SSBP4: variants seen among roughly 807,000 people sequenced by gnomAD.
SSBP4 encodes the protein single-stranded DNA-binding protein 4.
SSBP4 carries 33 observed loss-of-function variants against 64.6 expected under a neutral mutation model. That is an observed-to-expected ratio of 0.51 (90% confidence interval 0.39 to 0.68). The LOEUF is 0.68. SSBP4 is among the 30% of genes least tolerant of loss of function. The pLI is 0.00. For synonymous variants in SSBP4, 243 were observed against 224.0 expected, an observed-to-expected ratio of 1.08 and a Z score of -0.76; for missense variants, 583 against 566.8, an observed-to-expected ratio of 1.03 and a Z score of -0.29.
rs756027638 is a variant in SSBP4 at position 18,432,728 on chromosome 19, G to C, written c.779G>C (p.Ser260Thr). Residue 260 changes from serine (S) to threonine (T), a missense_variant, in exon 12 of 18, where the codon AGC becomes ACC. By Grantham distance (58) the Ser-to-Thr change is moderately conservative (BLOSUM62 1). Coordinates refer to ENST00000270061, the MANE Select transcript of SSBP4 (RefSeq NM_032627.5). ...CCCTACTCCTCCTCATCCCCCGGCAGCTACACCGTAAGTCTGAGCAAAGCT... is the reference window on the plus strand; with the variant it reads ...CCCTACTCCTCCTCATCCCCCGGCACCTACACCGTAAGTCTGAGCAAAGCT... ...SIPYSSSSPG[S>T]YTGPPGGGGP... The C allele has an allele frequency of 1.9e-6, 3 of 1,592,712 alleles. No individual in the cohort carries two copies. In the South Asian group the frequency reaches 3.4e-5, roughly 18 times the overall value.
intron 9 of SSBP4, 24 bp downstream of exon 9, chr19:18,432,094 G>A: frequency 1.2e-6 from 2 of 1,601,102 alleles, no homozygotes; most frequent in East Asian, 2.2e-5. Flanking sequence ...CCTGGTGGGT[G>A]GGGCCTTCGG....
chr19:18,410,671 G>A, the SSBP4 span, among the ~76,000 whole-genome samples: 1 of 151,964 alleles, frequency 6.6e-6, no homozygotes, highest in Non-Finnish European at 1.5e-5. Flanking sequence ...AAGAGAGGCA[G>A]ACTAGATTCC....
chr19:18,428,899 G>A (rs892552919), intron 4 of SSBP4, among the ~76,000 whole-genome samples: 1 of 152,202 alleles, frequency 6.6e-6, no homozygotes, highest in Admixed American at 6.5e-5. Context: ...TGGGGCCCCG[G>A]GGGTGTCTGG....
chr19:18,414,869 G>T (rs1972119081), upstream of SSBP4, among the ~76,000 whole-genome samples: 1 of 152,176 alleles, frequency 6.6e-6, no homozygotes, highest in Non-Finnish European at 1.5e-5. Context: ...CACACAGTGA[G>T]CCAGGGCACA....
Position 18,426,944 on chromosome 19 carries a change from C to T in SSBP4, c.60-407C>T, listed in dbSNP as rs994028027. 3.9e-5 allele frequency among the ~76,000 whole-genome samples: 6 copies of T among 152,096 alleles called. No individual in the cohort carries two copies. The highest frequency in any genetic ancestry group is 8.8e-5 in the Non-Finnish European group (6 of 67,992). ...TGGAGGACCCCTTCCCTCCTTCCTT[C>T]CTGGGCCGGGGAGGCTGGGGATGAG... On this transcript the variant is annotated intron_variant, in intron 1 of 17. Coordinates refer to ENST00000270061, the MANE Select transcript of SSBP4 (RefSeq NM_032627.5). This position sits in a 1 kb window ranked among gnomAD's most constrained non-coding sequence, Gnocchi z 4.5.
At chr19:18,431,460 C>T (rs770630427) in intron 6 of SSBP4, 42 bp downstream of exon 6, 3 of 1,152,212 alleles carry the variant, frequency 2.6e-6, no homozygotes, top group Non-Finnish European at 1.2e-6. Context: ...CACACATCCC[C>T]TCCCCCAGCG....
intron 5 of SSBP4, 69 bp from the exon 6 acceptor site, chr19:18,431,284 C>A: frequency 1.6e-6 from 1 of 610,942 alleles, no homozygotes. Flanking sequence ...CTCCATGGAG[C>A]CCCTCCCCTC....
chr19:18,428,042 CT>C, intron 4 of SSBP4, 60 bp downstream of exon 4: 4 of 677,232 alleles, frequency 5.9e-6, no homozygotes, highest in South Asian at 1.5e-5. Flanking sequence ...GGGCCTGTGG[CT>C]GGGGAGGTGG....
At chr19:18,416,344 G>A (rs1972130388), upstream of SSBP4, among the ~76,000 whole-genome samples, 2 of 152,092 alleles carry the variant, frequency 1.3e-5, no homozygotes, top group Admixed American at 1.3e-4. Flanking sequence ...AAGAGTCTTG[G>A]TCTGTCGTCC....
At chr19:18,412,322 G>A in the SSBP4 span, among the ~76,000 whole-genome samples, 50 of 151,596 alleles carry the variant, frequency 3.3e-4, no homozygotes, top group African/African-American at 1.0e-3. Flanking sequence ...TTAGCCGGGC[G>A]TGGTGGCAGG....
intron 8 of SSBP4, 32 bp downstream of exon 8, chr19:18,431,894 CATCA>C: frequency 2.6e-6 from 4 of 1,564,974 alleles, no homozygotes; most frequent in Non-Finnish European, 3.5e-6. Flanking sequence ...CCTATCCCGC[CATCA>C]ATCAGAATTC....
the SSBP4 span, among the ~76,000 whole-genome samples, chr19:18,406,750 C>A: frequency 4.6e-5 from 7 of 152,084 alleles, no homozygotes; most frequent in African/African-American, 1.7e-4. Flanking sequence ...GAGCCAAGCA[C>A]CAGAGACCCT....
In SSBP4 at chr19:18,434,364, C is replaced by A; in HGVS notation, c.*118C>A. The A allele has an allele frequency of 6.7e-7, 1 of 1,490,448 alleles. No homozygotes were observed. The highest frequency in any genetic ancestry group is 8.9e-7 in the Non-Finnish European group (1 of 1,123,106). 92.3% of individuals were successfully genotyped at this position (1,490,448 alleles called of 1,614,324 possible). A position where few individuals can be genotyped will look rare whatever the true frequency, so the allele number is the denominator to read the frequency against. On this transcript the variant is annotated 3_prime_UTR_variant, in exon 18 of 18. Transcript: ENST00000270061. The stretch of plus-strand genomic sequence containing the variant: ...GGACTCCTGGCCAATCAAGGCTTGC[C>A]CAGCTGGGAGGCCCCACACGAAAGA...
In SSBP4 at chr19:18,431,854, G is replaced by C. The variant is rs929500220; in HGVS notation, c.557G>C (p.Arg186Pro). ...LLPGAMEPSPRAQGHPSMGGP... is the reference protein window; with the variant it reads ...LLPGAMEPSPPAQGHPSMGGP... ...CCTGGCGCCATGGAGCCCTCCCCAC[G>C]AGCCCAGGGTGAGTAGGGAAGCTCC... is the stretch of plus-strand genomic sequence containing the variant. The change falls in exon 8 of 18, where the codon CGA becomes CCA. Residue 186 changes from arginine to proline, a missense_variant. Arg to Pro is a moderately radical substitution (Grantham distance 103). Around this residue, in one of 5 missense-constraint regions of SSBP4, gnomAD observed 444 missense variants for 386.6 expected, o/e 1.15. Coordinates refer to ENST00000270061, the MANE Select transcript of SSBP4 (RefSeq NM_032627.5). 7 of 1,571,862 alleles carry C rather than the reference G, an allele frequency of 4.5e-6. No homozygotes were observed. The highest frequency in any genetic ancestry group is 6.0e-6 in the Non-Finnish European group (7 of 1,157,504).
chr19:18,415,423 C>G (rs757331937), upstream of SSBP4, among the ~76,000 whole-genome samples: 2 of 152,338 alleles, frequency 1.3e-5, no homozygotes, highest in East Asian at 3.9e-4. Flanking sequence ...TGGGCCCCCC[C>G]ACTGCTGTGT....
rs888000692 is a variant in SSBP4 at position 18,426,906 on chromosome 19, A to G, written c.60-445A>G. On this transcript the variant is annotated intron_variant, in intron 1 of 17. Transcript: ENST00000270061. The surrounding 1 kb of genome is among the most constrained non-coding windows in gnomAD (Gnocchi z 4.5). ...GGAAGAGATGGGGTCCAGGGACTGC[A>G]GGGGATGTGGGGTGGAGGACCCCTT... Among the ~76,000 whole-genome samples, 1 of 152,114 alleles carries G rather than the reference A, an allele frequency of 6.6e-6. No individual in the cohort carries two copies. The highest frequency in any genetic ancestry group is 6.5e-5 in the Admixed American group (1 of 15,280).
At position 18,431,680 on chromosome 19, in the gene SSBP4, C is replaced by G. The variant is rs778835993; in HGVS notation, c.469C>G (p.Arg157Gly). 3 of 1,552,814 alleles carry G rather than the reference C, an allele frequency of 1.9e-6. No individual in the cohort carries two copies. The highest frequency in any genetic ancestry group is 4.8e-5 in the East Asian group (2 of 41,250). The change falls in exon 7 of 18, where the codon CGG (arginine) becomes GGG (glycine). Residue 157 changes from arginine (R) to glycine (G), a missense_variant. By Grantham distance (125) the Arg-to-Gly change is moderately radical (BLOSUM62 -2). Transcript: ENST00000270061. ...GTCACCGCGCTTCCCAGGGGGCCCC[C>G]GGCCCACCCTGCGGATGCCGAGTCA... Reference protein sequence around the residue: ...FMSPRFPGGPRPTLRMPSQPP... With the variant: ...FMSPRFPGGPGPTLRMPSQPP...
At chr19:18,422,075 C>G (rs556912398) in intron 1 of SSBP4, among the ~76,000 whole-genome samples, 1 of 152,092 alleles carries the variant, frequency 6.6e-6, no homozygotes, top group African/African-American at 2.4e-5. Flanking sequence ...GTGAAAGGAT[C>G]GCTTGAACCT....
the SSBP4 span, among the ~76,000 whole-genome samples, chr19:18,409,959 G>C: frequency 6.6e-6 from 1 of 152,184 alleles, no homozygotes; most frequent in Non-Finnish European, 1.5e-5. Context: ...AGCCGCCTGA[G>C]TAGCTGGAAA....
Sources: gnomAD v4.1 joint callset for allele counts (sites outside exome capture counted in the v4.1 genomes callset) on GRCh38, gnomAD v4.1.1 for gene constraint, gnomAD v4.1.1 regional missense constraint, Gnocchi (gnomAD v3.1) non-coding constraint, MANE v1.5 for transcripts, NCBI Gene and HGNC (gene_info 2026-07-23, HGNC 2026-07-21) for gene names.